The following RYR3 variants were observed in gnomAD, a reference collection of about 807,000 sequenced individuals.
RYR3 encodes the protein brain ryanodine receptor-calcium release channel.
A neutral mutation model predicts 584.3 loss-of-function variants in RYR3; 207 were observed. The ratio of observed to expected loss-of-function variants is 0.35; its 90% CI spans 0.32 to 0.40. The LOEUF (loss-of-function observed/expected upper bound fraction) is 0.40. Among genes scored for constraint, RYR3 ranks in the 10% least tolerant of loss-of-function variants. The pLI, the probability that RYR3 is intolerant of heterozygous loss-of-function variation, is 1.00. For synonymous variants in RYR3, 2,416 were observed against 2,248.5 expected, an observed-to-expected ratio of 1.07 and a Z score of -2.11; for missense variants, 5,616 against 6,089.2, an observed-to-expected ratio of 0.92 and a Z score of 2.59.
intron 36 of RYR3, 124 bp from the exon 37 acceptor site, chr15:33,669,228 CAA>C (rs10630004): frequency 3.4e-3 from 1,748 of 507,000 alleles, no homozygotes; most frequent in South Asian, 8.1e-3. Context: ...CCACTTTTAC[CAA>C]AAAAAAAAAA....
intron 8 of RYR3, among the ~76,000 whole-genome samples, chr15:33,546,097 A>G (rs1005195443): frequency 1.3e-5 from 2 of 152,212 alleles, no homozygotes; most frequent in African/African-American, 4.8e-5. Context: ...TTAGAGAACA[A>G]GAACAAGTTG....
chr15:33,627,024 G>A lies in RYR3; in HGVS notation c.2575-1447G>A, dbSNP rs1030201726. Among the ~76,000 whole-genome samples, 3 of 152,148 alleles carry A rather than the reference G, an allele frequency of 2.0e-5. No individual in the cohort carries two copies. In the East Asian group the frequency reaches 5.8e-4, roughly 29 times the overall value. On this transcript the variant is annotated intron_variant, in intron 20 of 103. Transcript: ENST00000634891. ...ACACTGCCTAGTGGAGCTGTGAGAA[G>A]AGGGCCACCATCCTCTGGACTCTAG...
At chr15:33,645,861 G>A (rs2062073003) in intron 28 of RYR3, among the ~76,000 whole-genome samples, 1 of 152,130 alleles carries the variant, frequency 6.6e-6, no homozygotes, top group Non-Finnish European at 1.5e-5. Context: ...GGCCATGACT[G>A]TGGCAGAGAT....
intron 24 of RYR3, among the ~76,000 whole-genome samples, chr15:33,633,960 C>T (rs921741002): frequency 1.3e-5 from 2 of 152,218 alleles, no homozygotes; most frequent in Non-Finnish European, 2.9e-5. Flanking sequence ...TACAAATCTC[C>T]AGCTGCTTTG....
chr15:33,323,460 C>G (rs1969277851), intron 1 of RYR3, among the ~76,000 whole-genome samples: 1 of 152,150 alleles, frequency 6.6e-6, no homozygotes, highest in Non-Finnish European at 1.5e-5. Flanking sequence ...AGGATTCTTT[C>G]TGCCAGAGCC....
intron 32 of RYR3, among the ~76,000 whole-genome samples, chr15:33,656,052 C>T (rs2062807815): frequency 6.6e-6 from 1 of 152,178 alleles, no homozygotes; most frequent in Admixed American, 6.6e-5. Flanking sequence ...ATAAAATCTA[C>T]ATTCAAGAGA....
At chr15:33,682,024 A>C (rs2064664140) in intron 38 of RYR3, among the ~76,000 whole-genome samples, 2 of 152,234 alleles carry the variant, frequency 1.3e-5, no homozygotes, top group African/African-American at 4.8e-5. Context: ...CAGCCTAAAC[A>C]TTTAAACCTG....
chr15:33,668,514 ATAC>A (rs1566916435), intron 36 of RYR3, among the ~76,000 whole-genome samples: 8 of 152,248 alleles, frequency 5.3e-5, no homozygotes, highest in African/African-American at 1.9e-4. Context: ...AATTTATGAA[ATAC>A]AAAATAAAAT....
chr15:33,328,111 A>C (rs1326874476), intron 1 of RYR3, among the ~76,000 whole-genome samples: 1 of 152,198 alleles, frequency 6.6e-6, no homozygotes, highest in African/African-American at 2.4e-5. Context: ...ACAGCATTTC[A>C]CCTATAGCAT....
In RYR3 at chr15:33,749,096, A is replaced by G. The variant is rs967907108; in HGVS notation, c.8199+566A>G. Among the ~76,000 whole-genome samples the G allele has an allele frequency of 2.6e-5, 4 of 152,220 alleles. 1 individual carries two copies. The highest frequency in any genetic ancestry group is 2.6e-4 in the Admixed American group (4 of 15,284). The stretch of plus-strand genomic sequence containing the variant: ...AATTGGTTGAATCCACAGATGCAGA[A>G]CGCATGGTTAAGGAAGGCTGACTAT... On this transcript the variant is annotated intron_variant, in intron 55 of 103. Transcript: ENST00000634891.
intron 1 of RYR3, among the ~76,000 whole-genome samples, chr15:33,379,011 A>G (rs1010332597): frequency 2.6e-5 from 4 of 152,178 alleles, no homozygotes; most frequent in African/African-American, 9.7e-5. Context: ...CCAAGTGAAA[A>G]TCTTATCTAT....
intron 4 of RYR3, among the ~76,000 whole-genome samples, chr15:33,532,333 T>G (rs2054951795): frequency 6.6e-6 from 1 of 152,086 alleles, no homozygotes; most frequent in Non-Finnish European, 1.5e-5. Context: ...TTTGAGGAGT[T>G]TTAAAGCTCA....
Position 33,785,559 on chromosome 15 carries a change from G to A in RYR3, c.9269-103G>A, listed in dbSNP as rs987903690. On this transcript the variant is annotated intron_variant, in intron 65 of 103. Transcript: ENST00000634891. The stretch of plus-strand genomic sequence containing the variant: ...CCAAGCTCACTGCTGTGAAGCTCTA[G>A]AAATTTATTCCTAAAGACCAAAGGA... The A allele has an allele frequency of 5.1e-4, 497 of 968,774 alleles. 2 individuals are homozygous for A. The highest frequency in any genetic ancestry group is 3.2e-4 in the Non-Finnish European group (213 of 675,292). 60.0% of individuals were successfully genotyped at this position (968,774 alleles called of 1,614,324 possible).
intron 42 of RYR3, among the ~76,000 whole-genome samples, chr15:33,703,911 T>C (rs1395142060): frequency 6.6e-6 from 1 of 152,122 alleles, no homozygotes; most frequent in African/African-American, 2.4e-5. Flanking sequence ...TTATCAAATA[T>C]GATGTTTATC....
rs114884960 is a variant in RYR3 at position 33,802,657 on chromosome 15, A to T, written c.10011+696A>T. ...AGGCTTCATTATTTTGATTTAAGAG[A>T]CTTCTCAGACGTACTCCTTCAAGTG... On this transcript the variant is annotated intron_variant, in intron 69 of 103. Coordinates refer to ENST00000634891, the MANE Select transcript of RYR3 (RefSeq NM_001036.6). Among the ~76,000 whole-genome samples, 612 of 152,220 alleles carry T rather than the reference A, an allele frequency of 4.0e-3. 4 individuals carry two copies. Among genetic ancestry groups the T allele is most frequent in the African/African-American group, 0.014 (569 of 41,524 alleles).
At chr15:33,850,801 G>A (rs1456305206) in intron 94 of RYR3, 1 of 151,946 alleles carries the variant, frequency 6.6e-6, no homozygotes, top group Non-Finnish European at 1.5e-5. Flanking sequence ...TATCCTCCCT[G>A]ATTATATCTT....
At position 33,669,426 on chromosome 15, in the gene RYR3, G is replaced by A; in HGVS notation, c.5692G>A (p.Asp1898Asn). 1 of 1,613,966 alleles carries A rather than the reference G, an allele frequency of 6.2e-7. No homozygotes were observed. Among genetic ancestry groups the A allele is most frequent in the Non-Finnish European group, 8.5e-7 (1 of 1,179,868 alleles). ...AGAGGAGATTCGGGAGGAGCTGTAT[G>A]ATTTCCATGAGGACCTTCTCCTTCA... is the stretch of plus-strand genomic sequence containing the variant. Reference protein sequence around the residue: ...CPEEIREELYDFHEDLLLHCG... With the variant: ...CPEEIREELYNFHEDLLLHCG... Residue 1898 changes from aspartate to asparagine, a missense_variant, in exon 37 of 104, where the codon GAT becomes AAT. This residue lies in a region of RYR3 where 1,280 missense variants were observed against 1,426.2 expected (regional missense o/e 0.90). Coordinates refer to ENST00000634891, the MANE Select transcript of RYR3 (RefSeq NM_001036.6).
chr15:33,344,666 A>G (rs757831061), intron 1 of RYR3, among the ~76,000 whole-genome samples: 9 of 152,166 alleles, frequency 5.9e-5, no homozygotes, highest in Non-Finnish European at 1.0e-4. Flanking sequence ...GGTTCTGGGC[A>G]TAAAACCCCT....
chr15:33,388,635 G>A (rs933086348), intron 1 of RYR3, among the ~76,000 whole-genome samples: 9 of 152,254 alleles, frequency 5.9e-5, no homozygotes, highest in East Asian at 1.9e-4. Flanking sequence ...ATAGAGCTAC[G>A]CTATACCATT....
Sources: allele counts gnomAD v4.1 joint callset (sites outside exome capture counted in the v4.1 genomes callset), GRCh38; gene constraint gnomAD v4.1.1; regional missense constraint gnomAD v4.1.1; transcripts MANE v1.5; gene names NCBI Gene and HGNC (gene_info 2026-07-23, HGNC 2026-07-21).